The following RIMS2 variants were observed in gnomAD, a reference collection of about 807,000 sequenced individuals.
The protein encoded by RIMS2 is regulating synaptic membrane exocytosis protein 2.
In RIMS2, 59 loss-of-function variants were observed where a neutral mutation model predicts 174.4. That is an observed-to-expected ratio of 0.34 (90% CI 0.27 to 0.42). RIMS2 has a LOEUF of 0.42. Ranked by LOEUF, RIMS2 falls within the 10% of genes least tolerant of loss-of-function variation. The pLI is 1.00. For synonymous variants in RIMS2, 606 were observed against 572.5 expected, an observed-to-expected ratio of 1.06 and a Z score of -0.84; for missense variants, 1,620 against 1,666.3, an observed-to-expected ratio of 0.97 and a Z score of 0.48.
At chr8:104,021,704 G>A (rs991472776) in intron 19 of RIMS2, among the ~76,000 whole-genome samples, 2 of 152,100 alleles carry the variant, frequency 1.3e-5, no homozygotes, top group African/African-American at 4.8e-5. Flanking sequence ...AGACTGTTAT[G>A]CTTTCTTCTT....
chr8:103,588,398 T>G (rs2094080566), intron 1 of RIMS2, among the ~76,000 whole-genome samples: 2 of 151,780 alleles, frequency 1.3e-5, no homozygotes, highest in African/African-American at 2.4e-5. Flanking sequence ...TTCACAGAAA[T>G]AGAATATTAT....
chr8:104,223,398 G>A, intron 19 of RIMS2: 1 of 1,262,206 alleles, frequency 7.9e-7, no homozygotes, highest in Non-Finnish European at 9.9e-7. Flanking sequence ...GACGTTCACT[G>A]CGAGCAGCCG....
At chr8:104,144,086 G>A (rs2098608141) in intron 19 of RIMS2, among the ~76,000 whole-genome samples, 1 of 151,960 alleles carries the variant, frequency 6.6e-6, no homozygotes, top group South Asian at 2.1e-4. Flanking sequence ...GGGAATACTT[G>A]TGTTTCACTT....
At chr8:104,004,303 GAACATT>G (rs1263542898) in intron 17 of RIMS2, among the ~76,000 whole-genome samples, 8 of 152,170 alleles carry the variant, frequency 5.3e-5, no homozygotes, top group South Asian at 2.1e-4. Context: ...CCTGCCTGAG[GAACATT>G]AACATTAAGT....
chr8:103,624,731 C>T (rs2095737382), intron 1 of RIMS2, among the ~76,000 whole-genome samples: 1 of 152,146 alleles, frequency 6.6e-6, no homozygotes, highest in Non-Finnish European at 1.5e-5. Flanking sequence ...TAAGTATTTA[C>T]AAATATTAAT....
At chr8:104,001,630 G>A (rs376000518) in intron 17 of RIMS2, among the ~76,000 whole-genome samples, 1 of 151,700 alleles carries the variant, frequency 6.6e-6, no homozygotes, top group East Asian at 1.9e-4. Flanking sequence ...TTTTTTAAGG[G>A]ACTTTGATCA....
chr8:104,245,900 A>G (rs2099328283), intron 20 of RIMS2, among the ~76,000 whole-genome samples: 1 of 152,228 alleles, frequency 6.6e-6, no homozygotes, highest in Non-Finnish European at 1.5e-5. Context: ...ATTTGTAAGT[A>G]GGCTTATTTG....
At chr8:103,810,486 T>C (rs985153995) in intron 3 of RIMS2, among the ~76,000 whole-genome samples, 2 of 152,194 alleles carry the variant, frequency 1.3e-5, no homozygotes, top group Non-Finnish European at 2.9e-5. Context: ...TTATGAGAAG[T>C]GTTCTGTCAT....
intron 17 of RIMS2, among the ~76,000 whole-genome samples, chr8:104,008,907 C>G (rs1358122991): frequency 6.6e-6 from 1 of 152,000 alleles, no homozygotes; most frequent in African/African-American, 2.4e-5. Context: ...ATAAATTAAT[C>G]TTCCTCCAAA....
At chr8:104,185,651 C>G (rs1436182508) in intron 19 of RIMS2, among the ~76,000 whole-genome samples, 1 of 151,510 alleles carries the variant, frequency 6.6e-6, no homozygotes, top group African/African-American at 2.4e-5. Flanking sequence ...TTATCATTAT[C>G]ACTAGTAATT....
At chr8:103,716,019 T>C (rs1173515986) in intron 2 of RIMS2, among the ~76,000 whole-genome samples, 1 of 152,040 alleles carries the variant, frequency 6.6e-6, no homozygotes, top group Admixed American at 6.6e-5. Flanking sequence ...GTTTGGATGT[T>C]TAATTGCTGT....
intron 3 of RIMS2, among the ~76,000 whole-genome samples, chr8:103,789,244 G>C (rs1045096541): frequency 6.6e-6 from 1 of 152,024 alleles, no homozygotes; most frequent in Non-Finnish European, 1.5e-5. Context: ...TGTCGCTCTC[G>C]CTGGGAGCTG....
intron 19 of RIMS2, among the ~76,000 whole-genome samples, chr8:104,125,944 T>C (rs972453018): frequency 6.6e-6 from 1 of 152,140 alleles, no homozygotes; most frequent in African/African-American, 2.4e-5. Context: ...TTATGAGAAG[T>C]GAAGTTGTAA....
chr8:103,893,547 G>C (rs1436370980), intron 4 of RIMS2, among the ~76,000 whole-genome samples: 1 of 151,974 alleles, frequency 6.6e-6, no homozygotes, highest in African/African-American at 2.4e-5. Flanking sequence ...GATAAACTAT[G>C]GTTTGTGGGC....
At chr8:104,086,632 CAG>C (rs1391054003) in intron 19 of RIMS2, among the ~76,000 whole-genome samples, 1 of 152,056 alleles carries the variant, frequency 6.6e-6, no homozygotes, top group East Asian at 1.9e-4. Flanking sequence ...TATCAAGCGA[CAG>C]CTGGTTCATT....
At chr8:104,149,132 A>C (rs1456781822) in intron 19 of RIMS2, among the ~76,000 whole-genome samples, 2 of 152,124 alleles carry the variant, frequency 1.3e-5, no homozygotes, top group Non-Finnish European at 2.9e-5. Flanking sequence ...CCAGCTGCTG[A>C]TCCTTTGTAA....
At chr8:104,028,323 A>G (rs1282136565) in intron 19 of RIMS2, among the ~76,000 whole-genome samples, 1 of 152,118 alleles carries the variant, frequency 6.6e-6, no homozygotes, top group Non-Finnish European at 1.5e-5. Flanking sequence ...TTAAGTCTCC[A>G]TGAATATAAT....
In RIMS2 at chr8:103,967,912, A is replaced by G. The variant is rs138167713; in HGVS notation, c.2770+6779A>G. On this transcript the variant is annotated intron_variant, in intron 15 of 23. Transcript: ENST00000504942. ...TCTGTCACCTAGGCCCCAGGCTGCA[A>G]TGCAGTGGCACAATCTCAGCTCACT... Among the ~76,000 whole-genome samples the G allele has an allele frequency of 8.4e-3, 1,223 of 145,258 alleles. 18 individuals carry two copies. The highest frequency in any genetic ancestry group is 0.029 in the African/African-American group (1,153 of 39,490).
chr8:103,886,190 GTTGAGA>G (rs749405162), exon 4 of RIMS2: 4 of 1,611,958 alleles, frequency 2.5e-6, no homozygotes, highest in Non-Finnish European at 2.5e-6. Context: ...TTGTGATGAT[GTTGAGA>G]TTGAAAGTGA....
Sources: allele counts gnomAD v4.1 joint callset (sites outside exome capture counted in the v4.1 genomes callset), GRCh38; gene constraint gnomAD v4.1.1; transcripts MANE v1.5; gene names NCBI Gene and HGNC (gene_info 2026-07-23, HGNC 2026-07-21).